SYNE1: variants seen among roughly 807,000 people sequenced by gnomAD.
The protein encoded by SYNE1 is spectrin repeat containing nuclear envelope protein 1, also known as nesprin-1.
In SYNE1, 616 loss-of-function variants were observed where a neutral mutation model predicts 1,111.0. The ratio of observed to expected loss-of-function variants is 0.55; its 90% CI spans 0.52 to 0.59. The LOEUF (loss-of-function observed/expected upper bound fraction) is 0.59. SYNE1 is among the 20% of genes least tolerant of loss of function. The probability of loss-of-function intolerance (pLI) is 0.00; values close to 1 mark genes in which losing one functional copy is unlikely to be tolerated. For synonymous variants in SYNE1, 3,855 were observed against 3,825.8 expected, an observed-to-expected ratio of 1.01 and a Z score of -0.28; for missense variants, 10,006 against 10,417.0, an observed-to-expected ratio of 0.96 and a Z score of 1.72.
At position 152,132,142 on chromosome 6, in the gene SYNE1, T is replaced by C; in HGVS notation, c.26074A>G (p.Thr8692Ala). 1 of 1,614,092 alleles carries C rather than the reference T, an allele frequency of 6.2e-7. No individual in the cohort carries two copies. The highest frequency in any genetic ancestry group is 8.5e-7 in the Non-Finnish European group (1 of 1,179,986). Reference protein sequence around the residue: ...GSVSPTSGRSTPNRQKTPRGK... With the variant: ...GSVSPTSGRSAPNRQKTPRGK... ...GTTACCGTTTTCTGTCTGTTTGGGG[T>C]GCTCCTTCCTGATGTGGGACTCACA... is the stretch of plus-strand genomic sequence containing the variant. Residue 8692 changes from threonine to alanine, a missense_variant, in exon 144 of 146, where the codon ACC becomes GCC. By Grantham distance (58) the Thr-to-Ala change is moderately conservative (BLOSUM62 0). This residue lies in a region of SYNE1 where 761 missense variants were observed against 795.5 expected (regional missense o/e 0.96). Coordinates refer to ENST00000367255, the MANE Select transcript of SYNE1 (RefSeq NM_182961.4).
chr6:152,348,907 G>A (rs1024847249), intron 72 of SYNE1, among the ~76,000 whole-genome samples: 2 of 152,184 alleles, frequency 1.3e-5, no homozygotes, highest in East Asian at 3.9e-4. Context: ...TATATGCTCA[G>A]TTGAAAAGAA....
chr6:152,352,936 G>A (rs1449680880), intron 69 of SYNE1, among the ~76,000 whole-genome samples: 1 of 152,148 alleles, frequency 6.6e-6, no homozygotes, highest in Non-Finnish European at 1.5e-5. Flanking sequence ...TCCTTCTAAA[G>A]ACCTGAGTTT....
chr6:152,536,364 A>ATATATATATAGTAATATATATATATT, intron 4 of SYNE1, among the ~76,000 whole-genome samples: 1 of 88,052 alleles, frequency 1.1e-5, no homozygotes, highest in Non-Finnish European at 2.4e-5. Context: ...TAGTATACTA[A>ATATATATATAGTAATATATATATATT]TATATATATA....
At chr6:152,623,798 A>G (rs1253206231) in intron 3 of SYNE1, among the ~76,000 whole-genome samples, 1 of 152,110 alleles carries the variant, frequency 6.6e-6, no homozygotes, top group Non-Finnish European at 1.5e-5. Context: ...AAACATTTCA[A>G]TCTTCACAGG....
At chr6:152,294,223 G>T in intron 93 of SYNE1, 96 bp from the exon 94 acceptor site, 1 of 1,285,876 alleles carries the variant, frequency 7.8e-7, no homozygotes, top group Non-Finnish European at 1.1e-6. Flanking sequence ...AAAGGTTTCA[G>T]ATCTACACCT....
At chr6:152,450,965 C>T in intron 26 of SYNE1, 82 bp downstream of exon 26, 1 of 1,606,424 alleles carries the variant, frequency 6.2e-7, no homozygotes, top group African/African-American at 1.3e-5. Flanking sequence ...ATTTTTCAGA[C>T]TCAAACCAAA....
chr6:152,595,468 T>C (rs990177931), intron 3 of SYNE1, among the ~76,000 whole-genome samples: 3 of 152,234 alleles, frequency 2.0e-5, no homozygotes, highest in Non-Finnish European at 4.4e-5. Context: ...AGGTCTCAGA[T>C]GCAACATCAA....
rs746905465 is a variant in SYNE1, at chr6:152,301,853, C to T, written c.17541+16G>A. The stretch of plus-strand genomic sequence containing the variant: ...CAGTCAAAGAGCAAAGCCGCGGGGA[C>T]CCACTGGATCCTTACCATGACCACA... On this transcript the variant is annotated intron_variant, in intron 92 of 145. Transcript: ENST00000367255. The T allele has an allele frequency of 1.9e-6, 3 of 1,595,702 alleles. No individual in the cohort carries two copies. The highest frequency in any genetic ancestry group is 2.7e-5 in the African/African-American group (2 of 74,298).
intron 74 of SYNE1, among the ~76,000 whole-genome samples, chr6:152,343,009 G>T (rs981039304): frequency 3.3e-5 from 5 of 151,962 alleles, no homozygotes; most frequent in South Asian, 4.1e-4. Context: ...TTAGAAGTAA[G>T]TATACTTATA....
chr6:152,154,971 G>T lies in SYNE1; in HGVS notation c.24050C>A (p.Ser8017Tyr). 1.9e-6 allele frequency: 3 copies of T among 1,614,160 alleles called. No individual in the cohort carries two copies. Among genetic ancestry groups the T allele is most frequent in the South Asian group, 1.1e-5 (1 of 91,082 alleles). ...GGGAAAAGCAGCTGTCCTTTCTGAAGACTTCAGCCAATCTTCAAAACGTGA... is the reference window on the plus strand; with the variant it reads ...GGGAAAAGCAGCTGTCCTTTCTGAATACTTCAGCCAATCTTCAAAACGTGA... ...DYSRFEDWLK[S>Y]SERTAAFPSS... The change falls in exon 133 of 146, where the codon TCT becomes TAT. Residue 8017 changes from serine (S) to tyrosine (Y), a missense_variant. Ser to Tyr is a moderately radical substitution (Grantham distance 144). Around this residue, in one of 7 missense-constraint regions of SYNE1, gnomAD observed 2,182 missense variants for 2,287.8 expected, o/e 0.95. Coordinates refer to ENST00000367255, the MANE Select transcript of SYNE1 (RefSeq NM_182961.4).
chr6:152,611,779 G>C (rs185083866), intron 3 of SYNE1, among the ~76,000 whole-genome samples: 2,197 of 152,150 alleles, frequency 0.014, 57 homozygotes, highest in African/African-American at 0.05. Context: ...TAAAAGAAGA[G>C]AAATCACAAC....
At chr6:152,343,999 G>A in intron 74 of SYNE1, 82 bp downstream of exon 74, 6 of 1,581,508 alleles carry the variant, frequency 3.8e-6, no homozygotes, top group Non-Finnish European at 5.2e-6. Flanking sequence ...ATACAGTTTG[G>A]CACATCATAG....
chr6:152,155,978 C>A lies in SYNE1; in HGVS notation c.23910G>T (p.Gln7970His). 1 of 1,614,178 alleles carries A rather than the reference C, an allele frequency of 6.2e-7. No individual in the cohort carries two copies. Among genetic ancestry groups the A allele is most frequent in the Non-Finnish European group, 8.5e-7 (1 of 1,180,054 alleles). The change falls in exon 132 of 146, where the codon CAG becomes CAT. Residue 7970 changes from glutamine to histidine, a missense_variant. This residue lies in a region of SYNE1 where 2,182 missense variants were observed against 2,287.8 expected (regional missense o/e 0.95). Transcript: ENST00000367255. Reference sequence around the variant, plus strand: ...GCCGGTCCAGGTTTCTCGTAGCCTGCTGTATAGAGTCACACTCGGCATCAG... The same window carrying A: ...GCCGGTCCAGGTTTCTCGTAGCCTGATGTATAGAGTCACACTCGGCATCAG... ...CATDAECDSI[Q>H]QATRNLDRRW...
intron 95 of SYNE1, among the ~76,000 whole-genome samples, chr6:152,288,257 C>T (rs142110963): frequency 1.2e-3 from 176 of 152,272 alleles, no homozygotes; most frequent in Non-Finnish European, 2.1e-3. Context: ...CTCCTACCCA[C>T]TCCTGTTGCC....
intron 132 of SYNE1, chr6:152,155,281 T>A (rs1465136946): frequency 1.8e-5 from 9 of 504,920 alleles, no homozygotes; most frequent in South Asian, 8.6e-5. Context: ...TTTGAATTAG[T>A]CAAATTGAAA....
At chr6:152,302,773 C>T (rs1452721207) in intron 91 of SYNE1, among the ~76,000 whole-genome samples, 1 of 152,014 alleles carries the variant, frequency 6.6e-6, no homozygotes, top group African/African-American at 2.4e-5. Context: ...GATTTAGTGT[C>T]TTTTAATTTC....
At chr6:152,436,192 G>T in intron 32 of SYNE1, 91 bp from the exon 33 acceptor site, 1 of 1,354,676 alleles carries the variant, frequency 7.4e-7, no homozygotes. Flanking sequence ...CAGAACAGAT[G>T]GGTGGATGAA....
chr6:152,420,522 A>G (rs188176153), intron 39 of SYNE1, among the ~76,000 whole-genome samples: 70 of 152,260 alleles, frequency 4.6e-4, no homozygotes, highest in African/African-American at 1.6e-3. Context: ...TAGGAGGCTG[A>G]GGCATGAGAA....
chr6:152,540,123 GT>G (rs2099262421), intron 3 of SYNE1, 102 bp from the exon 4 acceptor site: 1 of 1,185,610 alleles, frequency 8.4e-7, no homozygotes, highest in Admixed American at 1.8e-5. Context: ...TCGTGAAATC[GT>G]TTTCTCATTC....
Sources: allele counts gnomAD v4.1 joint callset (sites outside exome capture counted in the v4.1 genomes callset), GRCh38; gene constraint gnomAD v4.1.1; regional missense constraint gnomAD v4.1.1; transcripts MANE v1.5; gene names NCBI Gene and HGNC (gene_info 2026-07-23, HGNC 2026-07-21).